Variants in EAF2 observed in about 807,000 individuals in gnomAD.
The protein encoded by EAF2 is ELL associated factor 2.
In EAF2, 29 loss-of-function variants were observed where a neutral mutation model predicts 29.4. The observed-to-expected ratio is 0.99, with a 90% CI of 0.73 to 1.35. The LOEUF (loss-of-function observed/expected upper bound fraction) is 1.35, where lower values mean the gene tolerates loss of function less well. Among genes scored for constraint, EAF2 ranks in the 40% most tolerant of loss-of-function variants. The pLI is 0.00. For synonymous variants in EAF2, 103 were observed against 102.5 expected (o/e 1.00, Z -0.03); for missense variants, 292 against 312.0 (o/e 0.94, Z 0.48).
chr3:121,835,325 G>T lies in EAF2; in HGVS notation c.40G>T (p.Glu14Ter). The change falls in exon 1 of 6, where the codon GAG (glutamate) becomes TAG (stop). Residue 14 changes from glutamate (E) to a stop codon, truncating the protein, a stop_gained. Coordinates refer to ENST00000273668, the MANE Select transcript of EAF2 (RefSeq NM_018456.6). LOFTEE classifies it high-confidence loss of function. ...GGGATTCTCACACCTAGACCGTCGC[G>T]AGCGGGTTCTCAAGTTAGGGGAGAG... ...AAGFSHLDRR[E>*]RVLKLGESFE... 6.2e-7 allele frequency: 1 copy of T among 1,614,238 alleles called. No homozygotes were observed. The highest frequency in any genetic ancestry group is 8.5e-7 in the Non-Finnish European group (1 of 1,180,038).
chr3:121,880,488 G>A (rs1478708589), intron 5 of EAF2, among the ~76,000 whole-genome samples: 1 of 141,550 alleles, frequency 7.1e-6, no homozygotes, highest in Non-Finnish European at 1.5e-5. Context: ...GTGTGTGTGT[G>A]TGTGTAGCTA....
chr3:121,869,055 T>C (rs1181508440), intron 4 of EAF2, among the ~76,000 whole-genome samples: 1 of 152,154 alleles, frequency 6.6e-6, no homozygotes, highest in Admixed American at 6.5e-5. Context: ...TAAAAATCAA[T>C]AACAGACAAC....
chr3:121,856,965 A>G (rs1708729567), intron 3 of EAF2, 46 bp from the exon 4 acceptor site: 1 of 1,541,424 alleles, frequency 6.5e-7, no homozygotes, highest in South Asian at 1.2e-5. Context: ...AATTTTTGTT[A>G]CATTGCTGTC....
At chr3:121,844,658 G>C in intron 2 of EAF2, 111 bp downstream of exon 2, 1 of 611,138 alleles carries the variant, frequency 1.6e-6, no homozygotes, top group Non-Finnish European at 2.7e-6. Flanking sequence ...TAATTAGTAA[G>C]CACAGATAAG....
At chr3:121,847,346 A>C (rs1708546675) in intron 2 of EAF2, among the ~76,000 whole-genome samples, 1 of 152,156 alleles carries the variant, frequency 6.6e-6, no homozygotes, top group African/African-American at 2.4e-5. Flanking sequence ...AGATGAGTTA[A>C]AGTTACCCAG....
At chr3:121,854,264 C>T (rs1056692440) in intron 2 of EAF2, among the ~76,000 whole-genome samples, 25 of 139,958 alleles carry the variant, frequency 1.8e-4, no homozygotes, top group African/African-American at 6.5e-4. Context: ...TGCAGTGAGC[C>T]GAGATCGTGC....
chr3:121,840,655 A>C (rs1460233363), intron 1 of EAF2, among the ~76,000 whole-genome samples: 1 of 151,366 alleles, frequency 6.6e-6, no homozygotes, highest in Non-Finnish European at 1.5e-5. Context: ...AGTACAAAAA[A>C]TATTAGCCGG....
At chr3:121,838,474 G>A (rs1031838145) in intron 1 of EAF2, among the ~76,000 whole-genome samples, 1 of 152,154 alleles carries the variant, frequency 6.6e-6, no homozygotes, top group African/African-American at 2.4e-5. Context: ...AAAAAAGTGT[G>A]TGAGGACAAA....
rs57868658 is a variant in EAF2 at position 121,841,504 on chromosome 3, C to CAAAAAA, written c.107-2915_107-2910dup. Among the ~76,000 whole-genome samples, 153 of 25,624 alleles carry CAAAAAA rather than the reference C, an allele frequency of 6.0e-3. 2 individuals are homozygous for CAAAAAA. Among genetic ancestry groups the CAAAAAA allele is most frequent in the Non-Finnish European group, 8.6e-3 (107 of 12,448 alleles). The allele number at this position is 25,624 out of a possible 152,430, so 16.8% of individuals were successfully genotyped here. On this transcript the variant is annotated intron_variant, in intron 1 of 5. Coordinates refer to ENST00000273668, the MANE Select transcript of EAF2 (RefSeq NM_018456.6). ...TAGGCGGCAGAGGGAGACCCTGTCT[C>CAAAAAA]AAAAAAAAAAAAAAAAAAAAAAAAA...
chr3:121,878,336 T>C (rs1709136565), intron 5 of EAF2, among the ~76,000 whole-genome samples: 1 of 152,164 alleles, frequency 6.6e-6, no homozygotes, highest in Admixed American at 6.5e-5. Flanking sequence ...CAGCATACAA[T>C]GTGTTGTGAT....
chr3:121,886,007 C>T (rs1271261938), intron 5 of EAF2, among the ~76,000 whole-genome samples: 1 of 151,904 alleles, frequency 6.6e-6, no homozygotes, highest in Non-Finnish European at 1.5e-5. Context: ...TTTTTTCACT[C>T]TTCAAAGTGA....
At chr3:121,840,873 T>C (rs1486753579) in intron 1 of EAF2, among the ~76,000 whole-genome samples, 1 of 149,922 alleles carries the variant, frequency 6.7e-6, no homozygotes, top group Non-Finnish European at 1.5e-5. Context: ...TGATTAATGG[T>C]TTAGTAAATG....
chr3:121,850,157 G>A (rs1424836778), intron 2 of EAF2, among the ~76,000 whole-genome samples: 2 of 151,204 alleles, frequency 1.3e-5, no homozygotes, highest in East Asian at 3.9e-4. Flanking sequence ...ACCCAGTTTG[G>A]CACTTTCTAT....
intron 2 of EAF2, among the ~76,000 whole-genome samples, chr3:121,849,914 C>T (rs930082982): frequency 1.3e-5 from 2 of 150,176 alleles, no homozygotes; most frequent in African/African-American, 4.9e-5. Context: ...TAAGTGCCTA[C>T]TTCTCTGATA....
rs1009049033 is a variant in EAF2 at position 121,884,940 on chromosome 3, T to C, written c.737-1402T>C. 3.3e-5 allele frequency among the ~76,000 whole-genome samples: 5 copies of C among 152,354 alleles called. No homozygotes were observed. The East Asian group carries it at 9.6e-4, about 29-fold the overall frequency. On this transcript the variant is annotated intron_variant, in intron 5 of 5. Coordinates refer to ENST00000273668, the MANE Select transcript of EAF2 (RefSeq NM_018456.6). ...TACCTAAGTGATTTCATTCAGTCTG[T>C]TTGCTTCAGATAAACCTGTACGATC...
At chr3:121,874,995 G>C (rs1339726192) in intron 5 of EAF2, among the ~76,000 whole-genome samples, 17 of 151,550 alleles carry the variant, frequency 1.1e-4, no homozygotes, top group Non-Finnish European at 4.4e-5. Flanking sequence ...GAAATAATCA[G>C]AACTTTCAGG....
At chr3:121,845,626 G>T (rs1365170290) in intron 2 of EAF2, among the ~76,000 whole-genome samples, 2 of 151,980 alleles carry the variant, frequency 1.3e-5, no homozygotes, top group African/African-American at 4.8e-5. Context: ...GAGGTAACAT[G>T]ATTAGATTTA....
At chr3:121,848,002 C>A (rs944474473) in intron 2 of EAF2, among the ~76,000 whole-genome samples, 3 of 152,084 alleles carry the variant, frequency 2.0e-5, no homozygotes, top group Admixed American at 6.5e-5. Context: ...AACCACAGGT[C>A]TATATGAGCG....
Position 121,840,515 on chromosome 3 carries a change from A to AAAAAAAAAAAAAAAAAC in EAF2, c.107-3932_107-3931insAAAAAAAAAACAAAAAA, listed in dbSNP as rs1167466790. ...AAAAAAAAAAAAAAAAAAAGAAAAA[A>AAAAAAAAAAAAAAAAAC]AAAAAACGGGCCGGGTGCGGTGGCT... On this transcript the variant is annotated intron_variant, in intron 1 of 5. Coordinates refer to ENST00000273668, the MANE Select transcript of EAF2 (RefSeq NM_018456.6). 8.2e-3 allele frequency among the ~76,000 whole-genome samples: 799 copies of AAAAAAAAAAAAAAAAAC among 97,750 alleles called. 107 individuals are homozygous for AAAAAAAAAAAAAAAAAC. The highest frequency in any genetic ancestry group is 0.013 in the Admixed American group (100 of 7,622). The allele number at this position is 97,750 out of a possible 152,430, so 64.1% of individuals were successfully genotyped here.
Sources: gnomAD v4.1 joint callset for allele counts (sites outside exome capture counted in the v4.1 genomes callset) on GRCh38, gnomAD v4.1.1 for gene constraint, MANE v1.5 for transcripts, NCBI Gene and HGNC (gene_info 2026-07-23, HGNC 2026-07-21) for gene names.